The following RAP1GDS1 variants were observed in gnomAD, a reference collection of about 807,000 sequenced individuals.
RAP1GDS1 encodes the protein RAP1, GTP-GDP dissociation stimulator 1.
In RAP1GDS1, 35 loss-of-function variants were observed where a neutral mutation model predicts 71.1. The observed-to-expected ratio is 0.49, with a 90% CI of 0.38 to 0.65. The LOEUF is 0.65. Ranked by LOEUF, RAP1GDS1 falls within the 30% of genes least tolerant of loss-of-function variation. The pLI is 0.00. For synonymous variants in RAP1GDS1, 229 were observed against 243.1 expected, an observed-to-expected ratio of 0.94 and a Z score of 0.54; for missense variants, 663 against 706.1, an observed-to-expected ratio of 0.94 and a Z score of 0.69.
At chr4:98,332,929 C>T (rs1321823034) in intron 2 of RAP1GDS1, among the ~76,000 whole-genome samples, 1 of 152,118 alleles carries the variant, frequency 6.6e-6, no homozygotes. Context: ...ATTCATCTTT[C>T]TCAAACCTTT....
intron 12 of RAP1GDS1, among the ~76,000 whole-genome samples, chr4:98,423,906 C>CA (rs1749245499): frequency 6.6e-6 from 1 of 151,934 alleles, no homozygotes; most frequent in South Asian, 2.1e-4. Context: ...ACAGTTATTG[C>CA]AAAAATATAT....
intron 5 of RAP1GDS1, among the ~76,000 whole-genome samples, chr4:98,391,377 G>GTAAC (rs1384708038): frequency 6.6e-6 from 1 of 151,982 alleles, no homozygotes; most frequent in African/African-American, 2.4e-5. Context: ...AATATTTTAG[G>GTAAC]TAACTTTTTT....
At chr4:98,420,818 T>C (rs988582278) in intron 11 of RAP1GDS1, among the ~76,000 whole-genome samples, 3 of 152,230 alleles carry the variant, frequency 2.0e-5, no homozygotes, top group Non-Finnish European at 4.4e-5. Flanking sequence ...AATTTCATTA[T>C]TGTGACAGTC....
chr4:98,298,260 C>T (rs1728068481), intron 2 of RAP1GDS1, among the ~76,000 whole-genome samples: 1 of 152,188 alleles, frequency 6.6e-6, no homozygotes, highest in South Asian at 2.1e-4. Flanking sequence ...AAGTTACCCA[C>T]AAGATCTAGC....
intron 3 of RAP1GDS1, among the ~76,000 whole-genome samples, chr4:98,349,208 C>T (rs1736765029): frequency 6.6e-6 from 1 of 152,148 alleles, no homozygotes; most frequent in African/African-American, 2.4e-5. Flanking sequence ...TTCCCAGCAC[C>T]ATTTGTTAAA....
chr4:98,404,388 G>A, intron 6 of RAP1GDS1, 89 bp from the exon 7 acceptor site: 1 of 1,249,176 alleles, frequency 8.0e-7, no homozygotes, highest in Non-Finnish European at 1.1e-6. Flanking sequence ...GTATTTATCA[G>A]TAATGGTACA....
At chr4:98,275,418 A>T (rs2110239376) in intron 1 of RAP1GDS1, among the ~76,000 whole-genome samples, 1 of 152,314 alleles carries the variant, frequency 6.6e-6, no homozygotes, top group Middle Eastern at 3.4e-3. Context: ...TAATGCAAAC[A>T]CAGCTATAGG....
intron 2 of RAP1GDS1, among the ~76,000 whole-genome samples, chr4:98,322,741 T>C (rs1283654921): frequency 8.3e-6 from 1 of 120,902 alleles, no homozygotes; most frequent in Non-Finnish European, 1.6e-5. Flanking sequence ...AGACACAACA[T>C]ACCAGAATCT....
In RAP1GDS1 at chr4:98,343,119, T is replaced by C. The variant is rs1399119278; in HGVS notation, c.113-20T>C. On this transcript the variant is annotated intron_variant, in intron 2 of 14. Coordinates refer to ENST00000408927, the MANE Select transcript of RAP1GDS1 (RefSeq NM_001100427.2). ...GCATTAAAGATTTTCACTGAAGCTC[T>C]TTGTATGTATCTCTTTTAGATACGG... 3 of 1,589,280 alleles carry C rather than the reference T, an allele frequency of 1.9e-6. No homozygotes were observed. Among genetic ancestry groups the C allele is most frequent in the African/African-American group, 2.7e-5 (2 of 73,688 alleles).
At chr4:98,279,809 C>T (rs1724789016) in intron 1 of RAP1GDS1, among the ~76,000 whole-genome samples, 1 of 152,112 alleles carries the variant, frequency 6.6e-6, no homozygotes, top group Non-Finnish European at 1.5e-5. Context: ...TGCCCTGTGT[C>T]CAAGTGTTCT....
intron 2 of RAP1GDS1, among the ~76,000 whole-genome samples, chr4:98,317,789 G>A (rs374048610): frequency 1.9e-4 from 28 of 150,232 alleles, no homozygotes; most frequent in African/African-American, 6.6e-4. Flanking sequence ...GCTCTATGCT[G>A]TTACCTCAGC....
chr4:98,316,987 C>G (rs1292079221), intron 2 of RAP1GDS1, among the ~76,000 whole-genome samples: 1 of 152,104 alleles, frequency 6.6e-6, no homozygotes, highest in African/African-American at 2.4e-5. Flanking sequence ...AATCTTTTCC[C>G]AGTTGCTTTG....
At chr4:98,286,846 A>G (rs1171299230) in intron 1 of RAP1GDS1, among the ~76,000 whole-genome samples, 1 of 147,744 alleles carries the variant, frequency 6.8e-6, no homozygotes, top group Non-Finnish European at 1.5e-5. Context: ...AGATCACGTC[A>G]TTGCACTTCA....
chr4:98,441,704 C>T (rs1231337097), intron 14 of RAP1GDS1: 3 of 783,262 alleles, frequency 3.8e-6, no homozygotes, highest in African/African-American at 1.9e-5. Context: ...GAGTTTGAGG[C>T]TGCAGTAAGC....
At chr4:98,438,680 C>T (rs1199316761) in intron 14 of RAP1GDS1, among the ~76,000 whole-genome samples, 1 of 145,252 alleles carries the variant, frequency 6.9e-6, no homozygotes, top group Non-Finnish European at 1.5e-5. Context: ...GCAACTTCTT[C>T]CTCCAGGGTT....
At chr4:98,401,679 A>G (rs1031658892) in intron 6 of RAP1GDS1, among the ~76,000 whole-genome samples, 2 of 152,214 alleles carry the variant, frequency 1.3e-5, no homozygotes, top group African/African-American at 2.4e-5. Context: ...GATCCATGGC[A>G]CTTAATTGAT....
chr4:98,282,986 A>G (rs1170370862), intron 1 of RAP1GDS1, among the ~76,000 whole-genome samples: 1 of 152,126 alleles, frequency 6.6e-6, no homozygotes, highest in Non-Finnish European at 1.5e-5. Flanking sequence ...TCTGAGAGAC[A>G]GTTTGTTATG....
chr4:98,417,446 C>CT lies in RAP1GDS1; in HGVS notation c.987_988insT (p.His330SerfsTer18). 1 of 1,613,864 alleles carries CT rather than the reference C, an allele frequency of 6.2e-7. No individual in the cohort carries two copies. Among genetic ancestry groups the CT allele is most frequent in the Non-Finnish European group, 8.5e-7 (1 of 1,179,810 alleles). ...TACTCTCTTGGATCCCATCAAATAA[C>CT]CACCAGCTACAGCTTGCTGGAGCAT... On this transcript the variant is annotated frameshift_variant, in exon 9 of 15. Transcript: ENST00000408927. LOFTEE classifies it high-confidence loss of function.
intron 5 of RAP1GDS1, among the ~76,000 whole-genome samples, chr4:98,381,601 A>C (rs986866858): frequency 6.6e-6 from 1 of 151,602 alleles, no homozygotes; most frequent in African/African-American, 2.4e-5. Context: ...TTTGAAACTC[A>C]GGAGGCACTT....
Sources: gnomAD v4.1 joint callset for allele counts (sites outside exome capture counted in the v4.1 genomes callset) on GRCh38, gnomAD v4.1.1 for gene constraint, MANE v1.5 for transcripts, NCBI Gene and HGNC (gene_info 2026-07-23, HGNC 2026-07-21) for gene names.